The following CASK variants were observed in gnomAD, a reference collection of about 807,000 sequenced individuals.
The protein encoded by CASK is peripheral plasma membrane protein CASK.
A neutral mutation model predicts 82.9 loss-of-function variants in CASK; 4 were observed. The observed-to-expected ratio is 0.05, with a 90% CI of 0.02 to 0.11. CASK has a LOEUF of 0.11. Among genes scored for constraint, CASK ranks in the 10% least tolerant of loss-of-function variants. The pLI, the probability that CASK is intolerant of heterozygous loss-of-function variation, is 1.00. For missense variants in CASK, 358 were observed against 720.9 expected (o/e 0.50, Z 5.76); for synonymous variants, 259 against 253.5 (o/e 1.02, Z -0.20).
Position 41,764,805 on chromosome X carries a change from C to CA in CASK, c.279-19205dup, listed in dbSNP as rs1002615943. ...TCCTATACTATAGCCATACTGTAGC[C>CA]AAAAAAAAACAACCTTTAAAAATGG... On this transcript the variant is annotated intron_variant, in intron 3 of 26. Coordinates refer to ENST00000378163, the MANE Select transcript of CASK (RefSeq NM_001367721.1). Among the ~76,000 whole-genome samples, 163 of 107,503 alleles carry CA rather than the reference C, an allele frequency of 1.5e-3. 2 individuals carry two copies. Among genetic ancestry groups the CA allele is most frequent in the African/African-American group, 4.9e-3 (144 of 29,644 alleles). The allele number at this position is 107,503 out of a possible 115,157, so 93.4% of individuals were successfully genotyped here.
chrX:41,839,010 G>A (rs750461214), intron 2 of CASK, among the ~76,000 whole-genome samples: 1 of 111,375 alleles, frequency 9.0e-6, no homozygotes, highest in African/African-American at 3.3e-5. Context: ...ATCAAGCTAC[G>A]TGTCTATCTC....
intron 5 of CASK, among the ~76,000 whole-genome samples, chrX:41,725,520 G>A (rs2068245422): frequency 9.0e-6 from 1 of 111,414 alleles, no homozygotes; most frequent in Admixed American, 9.6e-5. Context: ...GTGCTCAGAA[G>A]GCTATGGTGA....
intron 1 of CASK, among the ~76,000 whole-genome samples, chrX:41,883,582 T>C (rs1026478436): frequency 2.7e-5 from 3 of 111,525 alleles, no homozygotes; most frequent in African/African-American, 9.8e-5. Flanking sequence ...AGATGTGGCT[T>C]CTCCCCCGTG....
chrX:41,675,139 G>C (rs1402460445), intron 5 of CASK, among the ~76,000 whole-genome samples: 1 of 112,106 alleles, frequency 8.9e-6, no homozygotes, highest in Non-Finnish European at 1.9e-5. Context: ...GCTAACAGCA[G>C]GTAACTTTAC....
chrX:41,841,823 CT>C (rs1279133217), intron 2 of CASK, among the ~76,000 whole-genome samples: 1 of 111,659 alleles, frequency 9.0e-6, no homozygotes, highest in Non-Finnish European at 1.9e-5. Flanking sequence ...CGCCTAGCCT[CT>C]TTTTACTTTC....
chrX:41,658,206 A>G (rs2066973432), intron 8 of CASK, among the ~76,000 whole-genome samples: 1 of 111,746 alleles, frequency 8.9e-6, no homozygotes, highest in East Asian at 2.8e-4. Context: ...CTTGTAACAA[A>G]CCGGTAAACA....
intron 5 of CASK, among the ~76,000 whole-genome samples, chrX:41,694,342 G>A (rs1374816653): frequency 8.9e-6 from 1 of 111,867 alleles, no homozygotes; most frequent in Admixed American, 9.5e-5. Context: ...ACCCTGCTAA[G>A]TGGCTGCTGT....
intron 11 of CASK, among the ~76,000 whole-genome samples, chrX:41,611,033 T>A (rs2066036758): frequency 1.8e-5 from 2 of 111,375 alleles, no homozygotes; most frequent in African/African-American, 6.5e-5. Context: ...GGTGGACATT[T>A]CCCAATGTTT....
chrX:41,762,477 C>T (rs781593288), intron 3 of CASK, among the ~76,000 whole-genome samples: 22 of 111,769 alleles, frequency 2.0e-4, no homozygotes, highest in Non-Finnish European at 3.4e-4. Flanking sequence ...TATCCTACAA[C>T]CACCATAAAC....
intron 16 of CASK, among the ~76,000 whole-genome samples, chrX:41,564,841 A>T (rs191540281): frequency 9.0e-6 from 1 of 111,457 alleles, no homozygotes; most frequent in Non-Finnish European, 1.9e-5. Flanking sequence ...GAAGTAAAGC[A>T]CTCCTCAGCA....
intron 11 of CASK, among the ~76,000 whole-genome samples, chrX:41,620,458 G>A (rs2066270852): frequency 9.0e-6 from 1 of 111,468 alleles, no homozygotes; most frequent in African/African-American, 3.3e-5. Context: ...TTATATTAGC[G>A]ATCAATTAAT....
intron 1 of CASK, among the ~76,000 whole-genome samples, chrX:41,916,727 C>T (rs1219215444): frequency 2.7e-5 from 3 of 111,954 alleles, no homozygotes; most frequent in Non-Finnish European, 5.6e-5. Context: ...AATAACTATC[C>T]TTTGGAAACC....
chrX:41,892,658 T>A (rs2072196132), intron 1 of CASK, among the ~76,000 whole-genome samples: 1 of 111,815 alleles, frequency 8.9e-6, no homozygotes, highest in Non-Finnish European at 1.9e-5. Flanking sequence ...TTGATAGGAC[T>A]TTTTAAGAAA....
chrX:41,816,345 A>G (rs905373675), intron 2 of CASK, among the ~76,000 whole-genome samples: 5 of 111,620 alleles, frequency 4.5e-5, no homozygotes, highest in African/African-American at 1.6e-4. Context: ...GAACAGACAA[A>G]TCCAAAATTA....
chrX:41,860,368 T>G (rs772756665), intron 1 of CASK, among the ~76,000 whole-genome samples: 117 of 111,453 alleles, frequency 1.0e-3, no homozygotes, highest in Non-Finnish European at 1.7e-3. Flanking sequence ...ATGACAACAT[T>G]AGCAGTAAGA....
intron 8 of CASK, among the ~76,000 whole-genome samples, chrX:41,659,019 T>C (rs1336499950): frequency 9.0e-6 from 1 of 111,110 alleles, no homozygotes; most frequent in Non-Finnish European, 1.9e-5. Flanking sequence ...GAAGGTATTA[T>C]GTCTATATAA....
chrX:41,748,074 CT>C (rs2068723018), intron 3 of CASK: 1 of 111,803 alleles, frequency 8.9e-6, no homozygotes, highest in Non-Finnish European at 1.9e-5. Context: ...AGGCGTTTTC[CT>C]TTGTAATTGT....
At chrX:41,617,033 T>C (rs895279267) in intron 11 of CASK, among the ~76,000 whole-genome samples, 2 of 112,248 alleles carry the variant, frequency 1.8e-5, no homozygotes, top group African/African-American at 6.5e-5. Context: ...GTAGGCATAT[T>C]ATACCCTGAA....
At chrX:41,855,259 T>C (rs1205603146) in intron 1 of CASK, among the ~76,000 whole-genome samples, 1 of 111,230 alleles carries the variant, frequency 9.0e-6, no homozygotes, top group Non-Finnish European at 1.9e-5. Context: ...TCAAATCAAA[T>C]CCCCAATTCT....
Sources: allele counts gnomAD v4.1 joint callset (sites outside exome capture counted in the v4.1 genomes callset), GRCh38; gene constraint gnomAD v4.1.1; transcripts MANE v1.5; gene names NCBI Gene and HGNC (gene_info 2026-07-23, HGNC 2026-07-21).